The following VPS37C variants were observed in gnomAD, a reference collection of about 807,000 sequenced individuals.
VPS37C encodes vacuolar protein sorting-associated protein 37C.
VPS37C carries 9 observed loss-of-function variants against 16.1 expected under a neutral mutation model. That is an observed-to-expected ratio of 0.56 (90% CI 0.34 to 0.97). The LOEUF (loss-of-function observed/expected upper bound fraction) is 0.97. Ranked by LOEUF, VPS37C falls within the 50% of genes least tolerant of loss-of-function variation. The pLI, the probability that VPS37C is intolerant of heterozygous loss-of-function variation, is 0.02. For missense variants in VPS37C, 479 were observed against 472.7 expected (o/e 1.01, Z -0.12); for synonymous variants, 207 against 206.4 (o/e 1.00, Z -0.02).
intron 1 of VPS37C, among the ~76,000 whole-genome samples, chr11:61,160,285 G>A (rs573544249): frequency 1.3e-5 from 2 of 152,204 alleles, no homozygotes; most frequent in African/African-American, 4.8e-5. Context: ...TATTTTCATT[G>A]CAACAGTCCC....
chr11:61,152,071 T>C (rs569691772), intron 1 of VPS37C, among the ~76,000 whole-genome samples: 146 of 152,256 alleles, frequency 9.6e-4, no homozygotes, highest in African/African-American at 3.2e-3. Context: ...AGCAAGTGGA[T>C]TTAACTGTCC....
Position 61,131,841 on chromosome 11 carries a change from C to A in VPS37C, c.1047G>T (p.Gly349=), listed in dbSNP as rs769095152. ...GTGTCTAATACCCAGGCCAGGCAGG[C>A]CCCGGCGGTGGTGGGAACCCATAGG... is the stretch of plus-strand genomic sequence containing the variant. ...APPYGFPPPP[G]PAWPGY is the part of the protein sequence containing the mutation. The change falls in exon 5 of 5, where the codon GGG becomes GGT. Residue 349 remains glycine, a synonymous_variant. Coordinates refer to ENST00000301765, the MANE Select transcript of VPS37C (RefSeq NM_017966.5). The A allele has an allele frequency of 4.0e-6, 5 of 1,261,456 alleles. No individual in the cohort carries two copies. Among genetic ancestry groups the A allele is most frequent in the East Asian group, 3.1e-5 (1 of 32,034 alleles). 78.1% of individuals were successfully genotyped at this position (1,261,456 alleles called of 1,614,324 possible). A position where few individuals can be genotyped will look rare whatever the true frequency, so the allele number is the denominator to read the frequency against.
At chr11:61,141,619 C>G (rs887775063) in intron 1 of VPS37C, among the ~76,000 whole-genome samples, 1 of 152,168 alleles carries the variant, frequency 6.6e-6, no homozygotes, top group Non-Finnish European at 1.5e-5. Context: ...TGGAACCTCC[C>G]TGAGCCTTGA....
chr11:61,142,347 T>A (rs1404592473), intron 1 of VPS37C, among the ~76,000 whole-genome samples: 1 of 152,186 alleles, frequency 6.6e-6, no homozygotes, highest in African/African-American at 2.4e-5. Flanking sequence ...TCCTCCCACC[T>A]CAGCCTCCTA....
chr11:61,160,455 T>C (rs1231386279), intron 1 of VPS37C, among the ~76,000 whole-genome samples: 1 of 151,974 alleles, frequency 6.6e-6, no homozygotes, highest in Non-Finnish European at 1.5e-5. Context: ...TCTTGGTGCA[T>C]TAGTAGGAAA....
chr11:61,133,147 A>G, intron 4 of VPS37C, 108 bp downstream of exon 4: 1 of 1,263,706 alleles, frequency 7.9e-7, no homozygotes, highest in Non-Finnish European at 1.1e-6. Context: ...CATCTACGAA[A>G]GCTCCCTTGT....
In VPS37C at chr11:61,138,743, G is replaced by A. The variant is rs1861423210; in HGVS notation, c.87C>T (p.Ser29=). The A allele has an allele frequency of 1.2e-6, 2 of 1,613,918 alleles. No homozygotes were observed. Among genetic ancestry groups the A allele is most frequent in the Non-Finnish European group, 1.7e-6 (2 of 1,179,992 alleles). ...CATACCAGCCTCCCTCTACCTCAGG[G>A]GACTCCAGGGCCAGCTGGTCAATCG... ...SEAIDQLALE[S]PEVQDLQLER... Residue 29 remains serine, a synonymous_variant, in exon 2 of 5, where the codon TCC becomes TCT. Coordinates refer to ENST00000301765, the MANE Select transcript of VPS37C (RefSeq NM_017966.5).
chr11:61,133,096 CA>C, intron 4 of VPS37C, 158 bp downstream of exon 4: 6 of 811,752 alleles, frequency 7.4e-6, no homozygotes, highest in South Asian at 1.5e-5. Context: ...TATTTATACC[CA>C]AAAGGCCTCC....
chr11:61,137,943 A>G (rs1227646985), intron 2 of VPS37C, among the ~76,000 whole-genome samples: 1 of 152,332 alleles, frequency 6.6e-6, no homozygotes. Flanking sequence ...GGGGAACGTC[A>G]TTATTTTTTT....
intron 1 of VPS37C, among the ~76,000 whole-genome samples, chr11:61,142,156 T>A (rs1228407827): frequency 6.6e-6 from 1 of 152,210 alleles, no homozygotes; most frequent in Non-Finnish European, 1.5e-5. Flanking sequence ...TCACTCTCAA[T>A]GTTAAGGAGG....
In VPS37C at chr11:61,130,919, A is replaced by G. The variant is rs543049768; in HGVS notation, c.*901T>C. ...GAAGGGAGGGGGCTGCTTGTGAATGAGATTCAAGGCACTAAAGGAGTGGAT... is the reference window on the plus strand; with the variant it reads ...GAAGGGAGGGGGCTGCTTGTGAATGGGATTCAAGGCACTAAAGGAGTGGAT... On this transcript the variant is annotated 3_prime_UTR_variant, in exon 5 of 5. Transcript: ENST00000301765. 6 of 394,040 alleles carry G rather than the reference A, an allele frequency of 1.5e-5. No individual in the cohort carries two copies. Among genetic ancestry groups the G allele is most frequent in the South Asian group, 1.1e-4 (6 of 55,130 alleles). 24.4% of individuals were successfully genotyped at this position (394,040 alleles called of 1,614,324 possible).
intron 1 of VPS37C, among the ~76,000 whole-genome samples, chr11:61,156,887 T>C (rs1853385231): frequency 6.6e-6 from 1 of 152,202 alleles, no homozygotes; most frequent in Non-Finnish European, 1.5e-5. Context: ...AGCACTAACT[T>C]CCCATTCTCC....
At chr11:61,138,606 C>A (rs1297485841) in intron 2 of VPS37C, 131 bp downstream of exon 2, 12 of 805,252 alleles carry the variant, frequency 1.5e-5, no homozygotes. Context: ...TGAGTCCAAA[C>A]CAGGATGAAG....
Position 61,132,097 on chromosome 11 carries a change from C to G in VPS37C, c.791G>C (p.Arg264Thr). The change falls in exon 5 of 5, where the codon AGG becomes ACG. Residue 264 changes from arginine (R) to threonine (T), a missense_variant. Coordinates refer to ENST00000301765, the MANE Select transcript of VPS37C (RefSeq NM_017966.5). ...GAAGYSWSPQRSMPPRPGYPG... is the reference protein window; with the variant it reads ...GAAGYSWSPQTSMPPRPGYPG... ...ATAGCCCGGCCGGGGTGGCATGCTCCTCTGTGGGGACCAGGAGTAACCCGC... is the reference window on the plus strand; with the variant it reads ...ATAGCCCGGCCGGGGTGGCATGCTCGTCTGTGGGGACCAGGAGTAACCCGC... 6 of 1,419,750 alleles carry G rather than the reference C, an allele frequency of 4.2e-6. No homozygotes were observed. The highest frequency in any genetic ancestry group is 5.5e-6 in the Non-Finnish European group (6 of 1,082,636). The allele number at this position is 1,419,750 out of a possible 1,614,324, so 87.9% of individuals were successfully genotyped here. A position where few individuals can be genotyped will look rare whatever the true frequency, so the allele number is the denominator to read the frequency against.
intron 1 of VPS37C, among the ~76,000 whole-genome samples, chr11:61,157,743 A>G (rs486160): frequency 0.55 from 84,117 of 152,062 alleles, 24,177 homozygotes; most frequent in East Asian, 0.99. Flanking sequence ...TTCATGATCA[A>G]TGATACAGCT....
At chr11:61,154,885 G>A (rs554347215) in intron 1 of VPS37C, among the ~76,000 whole-genome samples, 15 of 151,856 alleles carry the variant, frequency 9.9e-5, no homozygotes, top group Non-Finnish European at 1.5e-4. Context: ...TGGGAGGATC[G>A]CTTGAGCCCA....
chr11:61,132,165 C>G lies in VPS37C; in HGVS notation c.723G>C (p.Leu241=), dbSNP rs957171539. 1 of 1,465,696 alleles carries G rather than the reference C, an allele frequency of 6.8e-7. No homozygotes were observed. The highest frequency in any genetic ancestry group is 9.0e-7 in the Non-Finnish European group (1 of 1,107,056). 90.8% of individuals were successfully genotyped at this position (1,465,696 alleles called of 1,614,324 possible). A position where few individuals can be genotyped will look rare whatever the true frequency, so the allele number is the denominator to read the frequency against. Residue 241 remains leucine (L), a synonymous_variant, in exon 5 of 5, where the codon CTG becomes CTC. Coordinates refer to ENST00000301765, the MANE Select transcript of VPS37C (RefSeq NM_017966.5). ...GCTGGGCTGCCGGGTAAGTGGGGCC[C>G]AGAGGCCCGCTGTAGAAGGAGGGCT... ...VSQPSFYSGP[L]GPTYPAAQLG... is the part of the protein sequence containing the mutation.
Position 61,138,809 on chromosome 11 carries a change from C to T in VPS37C, c.21G>A (p.Lys7=). Residue 7 remains lysine (K), a synonymous_variant, in exon 2 of 5, where the codon AAG becomes AAA. Coordinates refer to ENST00000301765, the MANE Select transcript of VPS37C (RefSeq NM_017966.5). ...GCAACTCCTCCAGCTCCTGCAGGGT[C>T]TTATCCTTCAGCGTCTCCATCCTTC... METLKD[K]TLQELEELQN... 6.2e-7 allele frequency: 1 copy of T among 1,614,144 alleles called. No individual in the cohort carries two copies. The highest frequency in any genetic ancestry group is 1.1e-5 in the South Asian group (1 of 91,082).
chr11:61,159,094 CT>C (rs1321009791), intron 1 of VPS37C, among the ~76,000 whole-genome samples: 2 of 152,354 alleles, frequency 1.3e-5, no homozygotes, highest in Non-Finnish European at 2.9e-5. Flanking sequence ...AAAACCCCTA[CT>C]ATTACTGGCC....
Sources: allele counts gnomAD v4.1 joint callset (sites outside exome capture counted in the v4.1 genomes callset), GRCh38; gene constraint gnomAD v4.1.1; transcripts MANE v1.5; gene names NCBI Gene and HGNC (gene_info 2026-07-23, HGNC 2026-07-21).